The following CENPP variants were observed in gnomAD, a reference collection of about 807,000 sequenced individuals.
CENPP encodes centromere protein P.
Under a neutral mutation model 35.6 loss-of-function variants are expected in CENPP, and 24 were observed. That is an observed-to-expected ratio of 0.67 (90% CI 0.49 to 0.95). CENPP has a LOEUF of 0.95. Ranked by LOEUF, CENPP falls within the 40% of genes least tolerant of loss-of-function variation. The probability of loss-of-function intolerance (pLI) is 0.00; values close to 1 mark genes in which losing one functional copy is unlikely to be tolerated. For synonymous variants in CENPP, 120 were observed against 125.5 expected, an observed-to-expected ratio of 0.96 and a Z score of 0.29; for missense variants, 332 against 345.3, an observed-to-expected ratio of 0.96 and a Z score of 0.31.
intron 5 of CENPP, chr9:92,493,689 CT>C (rs1216962304): frequency 6.4e-6 from 1 of 156,242 alleles, no homozygotes; most frequent in African/African-American, 2.4e-5. Flanking sequence ...ACATTTATCA[CT>C]TTTTTATGGA....
At chr9:92,390,862 A>T (rs1489312678) in intron 5 of CENPP, among the ~76,000 whole-genome samples, 1 of 152,182 alleles carries the variant, frequency 6.6e-6, no homozygotes, top group Admixed American at 6.5e-5. Flanking sequence ...ACTATAACTC[A>T]TGCCTGAACA....
At chr9:92,387,693 A>C (rs1345555008) in intron 5 of CENPP, among the ~76,000 whole-genome samples, 1 of 152,168 alleles carries the variant, frequency 6.6e-6, no homozygotes, top group Non-Finnish European at 1.5e-5. Flanking sequence ...AGGTAGAATA[A>C]CCTAATTCTA....
At chr9:92,504,733 C>G (rs1477157927) in intron 5 of CENPP, among the ~76,000 whole-genome samples, 1 of 152,116 alleles carries the variant, frequency 6.6e-6, no homozygotes, top group African/African-American at 2.4e-5. Context: ...GAGACAAGGT[C>G]TCACTATGTT....
At chr9:92,461,935 C>T (rs1232254580) in intron 5 of CENPP, among the ~76,000 whole-genome samples, 1 of 151,892 alleles carries the variant, frequency 6.6e-6, no homozygotes, top group Non-Finnish European at 1.5e-5. Context: ...GATTTTTACC[C>T]TATTTGATAT....
In CENPP at chr9:92,566,146, C is replaced by T. The variant is rs185213333; in HGVS notation, c.565-45168C>T. Among the ~76,000 whole-genome samples the T allele has an allele frequency of 2.1e-4, 32 of 151,736 alleles. No individual in the cohort carries two copies. In the East Asian group the frequency reaches 6.2e-3, roughly 29 times the overall value. ...TGAAACCCCGTCTCTACTAAAAATA[C>T]AAAAATTAGCCGGGCGTGATGTCGG... On this transcript the variant is annotated intron_variant, in intron 5 of 7. Transcript: ENST00000375587.
chr9:92,420,755 TTG>T (rs1843766503), intron 5 of CENPP, among the ~76,000 whole-genome samples: 1 of 152,006 alleles, frequency 6.6e-6, no homozygotes, highest in African/African-American at 2.4e-5. Flanking sequence ...GGTTTTGTTT[TTG>T]TTTTTTTTTT....
intron 5 of CENPP, among the ~76,000 whole-genome samples, chr9:92,561,049 G>C (rs774968463): frequency 1.3e-5 from 2 of 151,670 alleles, no homozygotes; most frequent in Non-Finnish European, 2.9e-5. Flanking sequence ...TACCATTCTT[G>C]CTCTCCCTCA....
At chr9:92,583,727 A>G (rs932410029) in intron 5 of CENPP, among the ~76,000 whole-genome samples, 3 of 152,114 alleles carry the variant, frequency 2.0e-5, no homozygotes, top group African/African-American at 7.2e-5. Context: ...CAAAATTTTC[A>G]AGCAGGCTTT....
At chr9:92,358,934 CT>C (rs1055528238) in intron 4 of CENPP, among the ~76,000 whole-genome samples, 3 of 139,188 alleles carry the variant, frequency 2.2e-5, no homozygotes, top group African/African-American at 5.5e-5. Context: ...TTTTGTATCT[CT>C]TTTTTTTTCT....
chr9:92,344,175 A>T (rs147412793), intron 3 of CENPP, among the ~76,000 whole-genome samples: 35 of 152,156 alleles, frequency 2.3e-4, no homozygotes, highest in Non-Finnish European at 4.0e-4. Context: ...GGGAGAATTG[A>T]CCTAGTTAGC....
At chr9:92,551,964 G>GA in intron 5 of CENPP, among the ~76,000 whole-genome samples, 1 of 105,538 alleles carries the variant, frequency 9.5e-6, no homozygotes, top group African/African-American at 6.0e-5. Context: ...ATATATATAT[G>GA]TGTGATATAT....
rs1851378620 is a variant in CENPP, at chr9:92,614,731, A to G, written c.*1582A>G. 2.0e-5 allele frequency: 3 copies of G among 152,656 alleles called. No individual in the cohort carries two copies. Among genetic ancestry groups the G allele is most frequent in the African/African-American group, 4.8e-5 (2 of 41,450 alleles). The allele number at this position is 152,656 out of a possible 1,614,324, so 9.5% of individuals were successfully genotyped here. A position where few individuals can be genotyped will look rare whatever the true frequency, so the allele number is the denominator to read the frequency against. On this transcript the variant is annotated 3_prime_UTR_variant, in exon 8 of 8. Transcript: ENST00000375587. ...TTAGTCCCTCAAAACGATGATATAA[A>G]TAAGTCTGTACAACCTAGCATAGAA...
At chr9:92,471,540 A>G (rs1845516183) in intron 5 of CENPP, among the ~76,000 whole-genome samples, 1 of 152,100 alleles carries the variant, frequency 6.6e-6, no homozygotes, top group Non-Finnish European at 1.5e-5. Context: ...TGTTTAGAAA[A>G]TGGAAAAATT....
At chr9:92,415,494 A>T in intron 5 of CENPP, 1 of 1,455,512 alleles carries the variant, frequency 6.9e-7, no homozygotes, top group Non-Finnish European at 9.3e-7. Flanking sequence ...GAAATAAATT[A>T]AAAATTAATC....
intron 4 of CENPP, among the ~76,000 whole-genome samples, chr9:92,378,645 A>C (rs1382589754): frequency 6.6e-6 from 1 of 151,910 alleles, no homozygotes. Context: ...CAGGAACTCA[A>C]CTCCCGCAAT....
At chr9:92,596,481 A>C (rs975445863) in intron 5 of CENPP, among the ~76,000 whole-genome samples, 1 of 151,174 alleles carries the variant, frequency 6.6e-6, no homozygotes, top group Non-Finnish European at 1.5e-5. Context: ...GAAAGAATAG[A>C]AAAATAGGTG....
chr9:92,505,266 A>G (rs1846931301), intron 5 of CENPP, among the ~76,000 whole-genome samples: 1 of 152,136 alleles, frequency 6.6e-6, no homozygotes, highest in Non-Finnish European at 1.5e-5. Flanking sequence ...GTTTCATTTA[A>G]ATTCTCAATT....
chr9:92,478,114 T>G (rs1186568215), intron 5 of CENPP, among the ~76,000 whole-genome samples: 1 of 152,230 alleles, frequency 6.6e-6, no homozygotes, highest in Admixed American at 6.5e-5. Flanking sequence ...AAGCATTTTT[T>G]TTTTCTTCCC....
intron 5 of CENPP, among the ~76,000 whole-genome samples, chr9:92,458,488 A>G (rs887941495): frequency 2.0e-5 from 3 of 152,212 alleles, no homozygotes; most frequent in African/African-American, 7.2e-5. Flanking sequence ...CAGCTGCTCA[A>G]TATAAGTGCA....
Sources: allele counts gnomAD v4.1 joint callset (sites outside exome capture counted in the v4.1 genomes callset), GRCh38; gene constraint gnomAD v4.1.1; transcripts MANE v1.5; gene names NCBI Gene and HGNC (gene_info 2026-07-23, HGNC 2026-07-21).